The following HS6ST3 variants were observed in gnomAD, a reference collection of about 807,000 sequenced individuals.
The protein encoded by HS6ST3 is heparan sulfate 6-O-sulfotransferase 3, also known as heparan-sulfate 6-O-sulfotransferase 3.
HS6ST3 carries 12 observed loss-of-function variants against 36.7 expected under a neutral mutation model. The ratio of observed to expected loss-of-function variants is 0.33; its 90% CI spans 0.21 to 0.53. The LOEUF (loss-of-function observed/expected upper bound fraction) is 0.53, where lower values mean the gene tolerates loss of function less well. Ranked by LOEUF, HS6ST3 falls within the 20% of genes least tolerant of loss-of-function variation. The pLI is 0.95. For synonymous variants in HS6ST3, 240 were observed against 257.5 expected (o/e 0.93, Z 0.65); for missense variants, 584 against 640.9 (o/e 0.91, Z 0.96).
chr13:96,308,588 T>C (rs142347987), intron 1 of HS6ST3, among the ~76,000 whole-genome samples: 3 of 152,230 alleles, frequency 2.0e-5, no homozygotes, highest in Non-Finnish European at 4.4e-5. Context: ...TCTTATTAAC[T>C]CTGGAAAGGT....
At chr13:96,724,637 G>A (rs1269135484) in intron 1 of HS6ST3, among the ~76,000 whole-genome samples, 2 of 151,902 alleles carry the variant, frequency 1.3e-5, no homozygotes, top group Non-Finnish European at 2.9e-5. Flanking sequence ...TACTCTTGAG[G>A]GTTTTTTTTG....
chr13:96,511,308 A>T (rs1460450249), intron 1 of HS6ST3, among the ~76,000 whole-genome samples: 1 of 152,028 alleles, frequency 6.6e-6, no homozygotes, highest in African/African-American at 2.4e-5. Context: ...AATGTGATAG[A>T]CTTTACTAAT....
intron 1 of HS6ST3, among the ~76,000 whole-genome samples, chr13:96,211,824 T>C (rs1161200841): frequency 6.6e-6 from 1 of 152,202 alleles, no homozygotes; most frequent in African/African-American, 2.4e-5. Flanking sequence ...TACTGCTGCT[T>C]TTCTCTCACT....
intron 1 of HS6ST3, among the ~76,000 whole-genome samples, chr13:96,368,255 C>T (rs149879999): frequency 0.021 from 3,123 of 152,138 alleles, 55 homozygotes; most frequent in Non-Finnish European, 0.034. Context: ...AGTCATAGGA[C>T]GACCCTATTT....
intron 1 of HS6ST3, among the ~76,000 whole-genome samples, chr13:96,831,839 C>T (rs534137748): frequency 3.3e-5 from 5 of 151,372 alleles, no homozygotes; most frequent in South Asian, 2.1e-4. Context: ...CCTGTAATCC[C>T]AGCTATTCAG....
intron 1 of HS6ST3, among the ~76,000 whole-genome samples, chr13:96,831,416 C>T (rs925945178): frequency 1.1e-4 from 16 of 152,180 alleles, no homozygotes; most frequent in African/African-American, 3.9e-4. Context: ...ACTTAGACTG[C>T]AGGTCAGGTA....
At chr13:96,539,125 G>C (rs1369836365) in intron 1 of HS6ST3, among the ~76,000 whole-genome samples, 1 of 152,160 alleles carries the variant, frequency 6.6e-6, no homozygotes, top group East Asian at 1.9e-4. Flanking sequence ...GTGGCCAACA[G>C]AATAGGTGCT....
rs758423490 is a variant in HS6ST3 at position 96,091,206 on chromosome 13, C to T, written c.344C>T (p.Pro115Leu). 4 of 1,563,804 alleles carry T rather than the reference C, an allele frequency of 2.6e-6. No homozygotes were observed. Among genetic ancestry groups the T allele is most frequent in the Non-Finnish European group, 3.5e-6 (4 of 1,153,752 alleles). ...EEEDEPDPEA[P>L]ENGSLPRFVP... ...GAAGACGAGCCGGACCCCGAGGCCCCGGAAAACGGCTCCCTGCCCCGATTC... is the reference window on the plus strand; with the variant it reads ...GAAGACGAGCCGGACCCCGAGGCCCTGGAAAACGGCTCCCTGCCCCGATTC... Residue 115 changes from proline (P) to leucine (L), a missense_variant, in exon 1 of 2, where the codon CCG (proline) becomes CTG (leucine). Pro to Leu is a moderately conservative substitution (Grantham distance 98, BLOSUM62 -3). Coordinates refer to ENST00000376705, the MANE Select transcript of HS6ST3 (RefSeq NM_153456.4).
intron 1 of HS6ST3, among the ~76,000 whole-genome samples, chr13:96,676,768 G>T (rs547088358): frequency 5.3e-5 from 8 of 152,286 alleles, no homozygotes; most frequent in Admixed American, 4.6e-4. Flanking sequence ...ATGAAGTCAA[G>T]ATAAATGACA....
At chr13:96,136,564 C>G (rs1313465048) in intron 1 of HS6ST3, among the ~76,000 whole-genome samples, 1 of 151,856 alleles carries the variant, frequency 6.6e-6, no homozygotes, top group Non-Finnish European at 1.5e-5. Context: ...CGCCGTGAAC[C>G]AGTCGCCTCC....
intron 1 of HS6ST3, among the ~76,000 whole-genome samples, chr13:96,774,547 A>G (rs973600673): frequency 6.6e-6 from 1 of 152,222 alleles, no homozygotes; most frequent in Non-Finnish European, 1.5e-5. Context: ...ACAAGTATCA[A>G]TAACTGAATT....
chr13:96,827,557 TA>T (rs35868978), intron 1 of HS6ST3, among the ~76,000 whole-genome samples: 39,304 of 152,068 alleles, frequency 0.26, 5,291 homozygotes, highest in East Asian at 0.42. Context: ...TTCAGAACCA[TA>T]AGATAGGATG....
At chr13:96,760,767 C>G (rs1682645992) in intron 1 of HS6ST3, among the ~76,000 whole-genome samples, 1 of 151,964 alleles carries the variant, frequency 6.6e-6, no homozygotes, top group South Asian at 2.1e-4. Context: ...GTTTAAATTC[C>G]ATATTGTTCA....
intron 1 of HS6ST3, among the ~76,000 whole-genome samples, chr13:96,230,194 T>C (rs555680413): frequency 1.2e-4 from 18 of 152,226 alleles, no homozygotes; most frequent in African/African-American, 4.3e-4. Context: ...TATACTCATT[T>C]TTGTCTTTTA....
chr13:96,729,592 G>A (rs916275126), intron 1 of HS6ST3, among the ~76,000 whole-genome samples: 3 of 152,002 alleles, frequency 2.0e-5, no homozygotes, highest in African/African-American at 7.2e-5. Context: ...AAGTACCTGG[G>A]ATTACAGGCC....
At chr13:96,766,032 G>T (rs1045646378) in intron 1 of HS6ST3, among the ~76,000 whole-genome samples, 1 of 152,122 alleles carries the variant, frequency 6.6e-6, no homozygotes, top group Non-Finnish European at 1.5e-5. Flanking sequence ...ATCAGTCAGA[G>T]CTACTAAGTT....
intron 1 of HS6ST3, among the ~76,000 whole-genome samples, chr13:96,190,040 C>T (rs907426220): frequency 7.2e-5 from 11 of 152,102 alleles, no homozygotes; most frequent in African/African-American, 7.2e-5. Context: ...TATAAATTCC[C>T]TCACCTGGCA....
chr13:96,631,323 A>C (rs982493939), intron 1 of HS6ST3, among the ~76,000 whole-genome samples: 2 of 152,172 alleles, frequency 1.3e-5, no homozygotes, highest in African/African-American at 4.8e-5. Context: ...CTGTTTCTAA[A>C]AATAAATATT....
chr13:96,168,203 T>C (rs1170230234), intron 1 of HS6ST3, among the ~76,000 whole-genome samples: 1 of 152,146 alleles, frequency 6.6e-6, no homozygotes, highest in Non-Finnish European at 1.5e-5. Context: ...AGGAAATGTA[T>C]GTGCTGTCTA....
Sources: allele counts gnomAD v4.1 joint callset (sites outside exome capture counted in the v4.1 genomes callset), GRCh38; gene constraint gnomAD v4.1.1; transcripts MANE v1.5; gene names NCBI Gene and HGNC (gene_info 2026-07-23, HGNC 2026-07-21).